Variants in ROBO2 observed in about 807,000 individuals in gnomAD.
The protein encoded by ROBO2 is roundabout guidance receptor 2.
Under a neutral mutation model 160.8 loss-of-function variants are expected in ROBO2, and 53 were observed. The ratio of observed to expected loss-of-function variants is 0.33; its 90% CI spans 0.26 to 0.41. The LOEUF is 0.41. Among genes scored for constraint, ROBO2 ranks in the 10% least tolerant of loss-of-function variants. The probability of loss-of-function intolerance (pLI) is 1.00; values close to 1 mark genes in which losing one functional copy is unlikely to be tolerated. For missense variants in ROBO2, 1,577 were observed against 1,722.4 expected (o/e 0.92, Z 1.49); for synonymous variants, 664 against 611.7 (o/e 1.09, Z -1.26).
chr3:76,360,222 G>A (rs546063598), intron 2 of ROBO2, among the ~76,000 whole-genome samples: 1 of 151,976 alleles, frequency 6.6e-6, no homozygotes, highest in African/African-American at 2.4e-5. Flanking sequence ...CTAAAGTTTA[G>A]ATCTCTTTTC....
chr3:76,958,100 A>G (rs1333358116), intron 2 of ROBO2, among the ~76,000 whole-genome samples: 2 of 152,172 alleles, frequency 1.3e-5, no homozygotes, highest in Non-Finnish European at 2.9e-5. Flanking sequence ...AAGAATAACT[A>G]TTACTTTCTA....
chr3:76,334,973 C>A (rs1458815332), intron 2 of ROBO2, among the ~76,000 whole-genome samples: 1 of 152,010 alleles, frequency 6.6e-6, no homozygotes, highest in Non-Finnish European at 1.5e-5. Flanking sequence ...ATAAAAAATA[C>A]TGTTGATACT....
At chr3:76,806,721 A>T (rs1038932229) in intron 2 of ROBO2, among the ~76,000 whole-genome samples, 1 of 151,922 alleles carries the variant, frequency 6.6e-6, no homozygotes, top group East Asian at 1.9e-4. Flanking sequence ...AGTAGGTACC[A>T]CCTCTAGTAC....
intron 2 of ROBO2, among the ~76,000 whole-genome samples, chr3:76,666,750 G>A (rs924137838): frequency 1.5e-4 from 22 of 151,694 alleles, no homozygotes; most frequent in East Asian, 5.8e-4. Flanking sequence ...ACCAGTTTAC[G>A]TCTGATTTAC....
chr3:76,024,089 C>A (rs2066657814), intron 2 of ROBO2, among the ~76,000 whole-genome samples: 1 of 151,166 alleles, frequency 6.6e-6, no homozygotes. Flanking sequence ...AGAATGTTTT[C>A]TTTAATTAAA....
chr3:76,721,811 G>A (rs1197099318), intron 2 of ROBO2, among the ~76,000 whole-genome samples: 2 of 152,158 alleles, frequency 1.3e-5, no homozygotes, highest in Non-Finnish European at 2.9e-5. Flanking sequence ...AGGAAAATTA[G>A]GCTTTGATCT....
rs566319440 is a variant in ROBO2, at chr3:76,099,831, C to T, written c.109+162229C>T. ...TGATAGGACTCTTCAGGCTGGCTAA[C>T]GGCAAGTGCAGAAATTACTTTGCTT... On this transcript the variant is annotated intron_variant, in intron 2 of 26. Coordinates refer to the ROBO2 transcript ENST00000487694. Among the ~76,000 whole-genome samples, 39 of 152,232 alleles carry T rather than the reference C, an allele frequency of 2.6e-4. No homozygotes were observed. In the South Asian group the frequency reaches 6.2e-3, roughly 24 times the overall value.
chr3:77,306,730 C>T (rs1324036720), intron 2 of ROBO2, among the ~76,000 whole-genome samples: 3 of 152,048 alleles, frequency 2.0e-5, no homozygotes, highest in African/African-American at 4.8e-5. Context: ...TACTATGATT[C>T]TACAATAAAA....
chr3:76,383,030 A>G (rs1279076677), intron 2 of ROBO2, among the ~76,000 whole-genome samples: 1 of 152,220 alleles, frequency 6.6e-6, no homozygotes, highest in Non-Finnish European at 1.5e-5. Flanking sequence ...TCTCAGAGAC[A>G]AATAAAGAAG....
intron 2 of ROBO2, among the ~76,000 whole-genome samples, chr3:77,202,489 G>T (rs2083008339): frequency 6.6e-6 from 1 of 152,100 alleles, no homozygotes; most frequent in African/African-American, 2.4e-5. Flanking sequence ...TTAGGGAAAT[G>T]AGCTGGGAGG....
intron 2 of ROBO2, among the ~76,000 whole-genome samples, chr3:76,698,166 T>C (rs557949192): frequency 6.6e-6 from 1 of 152,292 alleles, no homozygotes; most frequent in South Asian, 2.1e-4. Flanking sequence ...GCTTGTTGTT[T>C]GGCATTGCAA....
intron 5 of ROBO2, among the ~76,000 whole-genome samples, chr3:77,504,053 A>G (rs1001383103): frequency 6.6e-6 from 1 of 152,158 alleles, no homozygotes; most frequent in African/African-American, 2.4e-5. Flanking sequence ...CTGGCGCTTC[A>G]TTTTAAAAGG....
At chr3:77,614,824 T>A (rs533230727) in intron 21 of ROBO2, among the ~76,000 whole-genome samples, 36 of 152,182 alleles carry the variant, frequency 2.4e-4, no homozygotes, top group Non-Finnish European at 4.4e-4. Context: ...AAACTCCTTG[T>A]AGGGGCTGAT....
chr3:76,536,835 G>C lies in ROBO2; in HGVS notation c.110-561179G>C, dbSNP rs1233542961. 3.3e-5 allele frequency among the ~76,000 whole-genome samples: 5 copies of C among 152,128 alleles called. No homozygotes were observed. In the East Asian group the frequency reaches 9.7e-4, roughly 29 times the overall value. On this transcript the variant is annotated intron_variant, in intron 2 of 26. Coordinates refer to the ROBO2 transcript ENST00000487694. ...GTATATATTTAGTGGGGTCTGATGA[G>C]AAAGAGCCCAGATGCTGACTGATTT...
intron 2 of ROBO2, among the ~76,000 whole-genome samples, chr3:77,429,907 T>C (rs1023160970): frequency 4.6e-5 from 7 of 152,088 alleles, no homozygotes; most frequent in African/African-American, 1.7e-4. Context: ...AGAGAGAGAA[T>C]CTGGATCAAC....
intron 2 of ROBO2, among the ~76,000 whole-genome samples, chr3:77,265,235 T>C (rs2059049157): frequency 6.6e-6 from 1 of 152,162 alleles, no homozygotes; most frequent in South Asian, 2.1e-4. Flanking sequence ...ATGGAGGCAC[T>C]TGCCTATAGT....
chr3:76,004,283 C>A (rs1176406698), intron 2 of ROBO2, among the ~76,000 whole-genome samples: 1 of 152,054 alleles, frequency 6.6e-6, no homozygotes, highest in Non-Finnish European at 1.5e-5. Flanking sequence ...ACAATCAAGG[C>A]TACATAGTAT....
intron 2 of ROBO2, among the ~76,000 whole-genome samples, chr3:76,389,305 C>G (rs538348329): frequency 8.5e-5 from 13 of 152,210 alleles, no homozygotes; most frequent in Non-Finnish European, 1.3e-4. Context: ...AAGTTATCCA[C>G]TATCACACAA....
chr3:76,831,008 A>G (rs2067043300), intron 2 of ROBO2, among the ~76,000 whole-genome samples: 1 of 152,050 alleles, frequency 6.6e-6, no homozygotes, highest in South Asian at 2.1e-4. Flanking sequence ...AAATTAATTA[A>G]TAATAATAAC....
Sources: gnomAD v4.1 joint callset for allele counts (sites outside exome capture counted in the v4.1 genomes callset) on GRCh38, gnomAD v4.1.1 for gene constraint, MANE v1.5 for transcripts, NCBI Gene and HGNC (gene_info 2026-07-23, HGNC 2026-07-21) for gene names.